LIPA: variants seen among roughly 807,000 people sequenced by gnomAD.
The protein encoded by LIPA is lipase A, lysosomal acid type, also known as lysosomal acid lipase/cholesteryl ester hydrolase.
A neutral mutation model predicts 40.6 loss-of-function variants in LIPA; 26 were observed. The observed-to-expected ratio is 0.64, with a 90% CI of 0.47 to 0.89. LIPA has a LOEUF of 0.89. Among genes scored for constraint, LIPA ranks in the 40% least tolerant of loss-of-function variants. The pLI is 0.00. For missense variants in LIPA, 455 were observed against 479.6 expected (o/e 0.95, Z 0.48); for synonymous variants, 188 against 168.4 (o/e 1.12, Z -0.90).
At chr10:89,390,055 C>T (rs1383936840) in intron 2 of LIPA, among the ~76,000 whole-genome samples, 6 of 142,966 alleles carry the variant, frequency 4.2e-5, no homozygotes, top group Middle Eastern at 7.6e-3. Flanking sequence ...GGCACGATCT[C>T]GGCTCACCAC....
At chr10:89,253,148 T>C (rs772556654), upstream of LIPA, among the ~76,000 whole-genome samples, 7 of 152,132 alleles carry the variant, frequency 4.6e-5, no homozygotes, top group Non-Finnish European at 7.4e-5. Context: ...ATATTTTCAA[T>C]AGAAGGGCAG....
At chr10:89,306,850 A>G in intron 1 of LIPA, 1 of 1,614,114 alleles carries the variant, frequency 6.2e-7, no homozygotes, top group Non-Finnish European at 8.5e-7. Context: ...TCTTCCAAGT[A>G]ATGAATCTAA....
chr10:89,409,690 T>G (rs2133643760), intron 2 of LIPA, among the ~76,000 whole-genome samples: 1 of 152,352 alleles, frequency 6.6e-6, no homozygotes, highest in South Asian at 2.1e-4. Context: ...TCTCCTGTCC[T>G]GGACAGCTGT....
intron 2 of LIPA, among the ~76,000 whole-genome samples, chr10:89,358,829 T>C (rs558592878): frequency 1.3e-5 from 2 of 152,262 alleles, no homozygotes; most frequent in South Asian, 4.1e-4. Flanking sequence ...AAAAATGTCA[T>C]TAAATAGAAG....
At chr10:89,348,216 A>G (rs72814792) in intron 2 of LIPA, among the ~76,000 whole-genome samples, 2,414 of 152,336 alleles carry the variant, frequency 0.016, 34 homozygotes, top group Non-Finnish European at 0.027. Context: ...TCCGTCAGAC[A>G]GAAGGGAAAT....
Position 89,412,535 on chromosome 10 carries a change from C to G in LIPA, c.61+256G>C, listed in dbSNP as rs557778437. ...GCCAGCAGCGGCAACCTGCTCGGGT[C>G]TGCTTCCACGTCGTGGAAGTTTTGT... On this transcript the variant is annotated intron_variant, in intron 2 of 8. Transcript: ENST00000371837. The G allele has an allele frequency of 1.5e-3, 276 of 179,142 alleles. 1 individual carries two copies. The highest frequency in any genetic ancestry group is 2.7e-3 in the Non-Finnish European group (222 of 82,242). The allele number at this position is 179,142 out of a possible 1,614,324, so 11.1% of individuals were successfully genotyped here.
Position 89,335,819 on chromosome 10 carries a change from T to C in LIPA, c.-2+6792A>G, listed in dbSNP as rs539909074. 2.6e-5 allele frequency among the ~76,000 whole-genome samples: 4 copies of C among 152,370 alleles called. No individual in the cohort carries two copies. In the East Asian group the frequency reaches 7.7e-4, roughly 29 times the overall value. On this transcript the variant is annotated intron_variant, in intron 1 of 5. Transcript: ENST00000282673. Reference sequence around the variant, plus strand: ...TCAGCAAAGTTAACTCATGTTTCCATGACTTTATTATGATTTAGTGGCATA... The same window carrying C: ...TCAGCAAAGTTAACTCATGTTTCCACGACTTTATTATGATTTAGTGGCATA...
chr10:89,378,721 A>G (rs371285245), intron 2 of LIPA, among the ~76,000 whole-genome samples: 1 of 152,228 alleles, frequency 6.6e-6, no homozygotes, highest in East Asian at 1.9e-4. Context: ...GAATGTAGGA[A>G]AGTAGATTCA....
intron 1 of LIPA, chr10:89,412,927 A>C (rs11203113): frequency 0.04 from 10,315 of 256,858 alleles, 383 homozygotes; most frequent in South Asian, 0.12. Context: ...AACCTACTGG[A>C]AGGAACCAAT....
chr10:89,221,555 G>C (rs1340136373), intron 8 of LIPA, among the ~76,000 whole-genome samples: 1 of 152,152 alleles, frequency 6.6e-6, no homozygotes, highest in East Asian at 1.9e-4. Context: ...GATGCAAGCA[G>C]TGACTGCCAG....
chr10:89,220,393 A>T (rs567906473), intron 8 of LIPA, among the ~76,000 whole-genome samples: 1 of 152,186 alleles, frequency 6.6e-6, no homozygotes, highest in Non-Finnish European at 1.5e-5. Flanking sequence ...GGTCCTAGGC[A>T]TCCTCAAAAA....
intron 1 of LIPA, among the ~76,000 whole-genome samples, chr10:89,329,324 CT>C (rs1258524472): frequency 1.3e-5 from 2 of 152,162 alleles, no homozygotes; most frequent in Non-Finnish European, 2.9e-5. Context: ...GAATAAGTTC[CT>C]GGTCAAGAGT....
chr10:89,306,389 A>G (rs140575157), intron 1 of LIPA: 8 of 1,614,164 alleles, frequency 5.0e-6, no homozygotes, highest in Non-Finnish European at 6.8e-6. Context: ...GGAAGGGTGG[A>G]CACGGTTAAA....
chr10:89,384,311 T>C, intron 2 of LIPA: 12 of 1,614,226 alleles, frequency 7.4e-6, no homozygotes, highest in Non-Finnish European at 1.0e-5. Flanking sequence ...GAAAAGACTA[T>C]AATGTTAAAG....
chr10:89,259,323 T>C (rs140277607), intron 1 of LIPA, among the ~76,000 whole-genome samples: 30 of 152,250 alleles, frequency 2.0e-4, no homozygotes, highest in Admixed American at 5.2e-4. Flanking sequence ...AATAAACATG[T>C]GAAAAGATGT....
intron 1 of LIPA, among the ~76,000 whole-genome samples, chr10:89,273,602 T>C (rs1163032737): frequency 6.6e-6 from 1 of 152,148 alleles, no homozygotes; most frequent in Non-Finnish European, 1.5e-5. Flanking sequence ...TGGGGAGCTG[T>C]GAGGAGCCTG....
chr10:89,348,939 A>G (rs1252557009), intron 2 of LIPA, among the ~76,000 whole-genome samples: 1 of 152,196 alleles, frequency 6.6e-6, no homozygotes, highest in East Asian at 1.9e-4. Flanking sequence ...TTATACACTG[A>G]GCCTAGAAAT....
intron 2 of LIPA, among the ~76,000 whole-genome samples, chr10:89,407,286 G>A (rs1841427763): frequency 6.6e-6 from 1 of 152,138 alleles, no homozygotes; most frequent in Non-Finnish European, 1.5e-5. Flanking sequence ...ATGCCTGCCA[G>A]ACAAACTTCC....
chr10:89,262,990 C>T (rs1843218762), intron 1 of LIPA, among the ~76,000 whole-genome samples: 1 of 152,184 alleles, frequency 6.6e-6, no homozygotes, highest in Non-Finnish European at 1.5e-5. Flanking sequence ...CTGTTGGCAG[C>T]TGAGGCAGAA....
Sources: allele counts gnomAD v4.1 joint callset (sites outside exome capture counted in the v4.1 genomes callset), GRCh38; gene constraint gnomAD v4.1.1; transcripts MANE v1.5; gene names NCBI Gene and HGNC (gene_info 2026-07-23, HGNC 2026-07-21).